TENM3: variants seen among roughly 807,000 people sequenced by gnomAD.
TENM3 encodes teneurin-3.
A neutral mutation model predicts 255.1 loss-of-function variants in TENM3; 63 were observed. The ratio of observed to expected loss-of-function variants is 0.25; its 90% CI spans 0.20 to 0.30. TENM3 has a LOEUF of 0.30. Among genes scored for constraint, TENM3 ranks in the 10% least tolerant of loss-of-function variants. TENM3 has a pLI of 1.00. For synonymous variants in TENM3, 1,306 were observed against 1,322.3 expected, an observed-to-expected ratio of 0.99 and a Z score of 0.27; for missense variants, 2,929 against 3,461.1, an observed-to-expected ratio of 0.85 and a Z score of 3.86.
intron 1 of TENM3, among the ~76,000 whole-genome samples, chr4:182,304,557 G>A (rs1762033652): frequency 6.6e-6 from 1 of 152,110 alleles, no homozygotes; most frequent in African/African-American, 2.4e-5. Flanking sequence ...TCTCATCAAA[G>A]TTCACATCAA....
intron 4 of TENM3, among the ~76,000 whole-genome samples, chr4:182,618,088 C>G (rs1749715090): frequency 1.3e-5 from 2 of 152,120 alleles, no homozygotes; most frequent in African/African-American, 4.8e-5. Flanking sequence ...AGGAAACAAA[C>G]TATTTTCTAT....
At chr4:182,073,563 G>A in the TENM3 span, among the ~76,000 whole-genome samples, 1 of 152,164 alleles carries the variant, frequency 6.6e-6, no homozygotes, top group Non-Finnish European at 1.5e-5. Flanking sequence ...TGTTATGGCA[G>A]CCCAAGCAAA....
chr4:182,094,941 T>TTA, the TENM3 span, among the ~76,000 whole-genome samples: 12 of 105,658 alleles, frequency 1.1e-4, 1 homozygote, highest in African/African-American at 4.3e-4. Flanking sequence ...AAATAGAAGG[T>TTA]AAAAAAAAAA....
At chr4:181,935,325 G>A in the TENM3 span, among the ~76,000 whole-genome samples, 14 of 152,218 alleles carry the variant, frequency 9.2e-5, no homozygotes, top group African/African-American at 3.4e-4. Context: ...ACAATGTGAA[G>A]AACGTAATCG....
At chr4:181,610,029 G>A in the TENM3 span, among the ~76,000 whole-genome samples, 2 of 152,194 alleles carry the variant, frequency 1.3e-5, no homozygotes, top group African/African-American at 4.8e-5. Context: ...GTAACAAGCA[G>A]CACAATAGAA....
intron 4 of TENM3, among the ~76,000 whole-genome samples, chr4:182,612,383 A>G (rs1749090419): frequency 6.6e-6 from 1 of 152,130 alleles, no homozygotes; most frequent in East Asian, 1.9e-4. Flanking sequence ...GTAAAAGGTG[A>G]CAGCATCACT....
intron 12 of TENM3, among the ~76,000 whole-genome samples, chr4:182,703,589 A>G (rs114197875): frequency 0.017 from 2,528 of 152,360 alleles, 79 homozygotes; most frequent in African/African-American, 0.058. Context: ...ACATCTTTGC[A>G]TACTCTCACC....
the TENM3 span, among the ~76,000 whole-genome samples, chr4:181,655,430 G>A: frequency 6.6e-6 from 1 of 152,212 alleles, no homozygotes; most frequent in African/African-American, 2.4e-5. Context: ...CAACAAAGCT[G>A]TACTGAGGAT....
At chr4:181,806,352 C>G in the TENM3 span, among the ~76,000 whole-genome samples, 1 of 152,198 alleles carries the variant, frequency 6.6e-6, no homozygotes, top group African/African-American at 2.4e-5. Context: ...CTCGACTGTG[C>G]TACCTGTCTC....
At chr4:181,888,568 GTA>G in the TENM3 span, among the ~76,000 whole-genome samples, 2 of 66,284 alleles carry the variant, frequency 3.0e-5, no homozygotes, top group African/African-American at 1.2e-4. Context: ...ATACATATAT[GTA>G]TATATATACA....
At chr4:181,862,338 A>G in the TENM3 span, among the ~76,000 whole-genome samples, 1 of 152,114 alleles carries the variant, frequency 6.6e-6, no homozygotes, top group Admixed American at 6.5e-5. Context: ...ATATGCTACT[A>G]TATTTCTCAT....
chr4:182,264,132 T>G (rs1236673017), intron 1 of TENM3, among the ~76,000 whole-genome samples: 1 of 152,206 alleles, frequency 6.6e-6, no homozygotes, highest in African/African-American at 2.4e-5. Context: ...AAATCAGTGT[T>G]TATCTCTTCT....
chr4:182,418,925 A>G (rs1311194267), intron 3 of TENM3, among the ~76,000 whole-genome samples: 1 of 152,146 alleles, frequency 6.6e-6, no homozygotes, highest in East Asian at 1.9e-4. Flanking sequence ...CATACCTCTC[A>G]ACAGACCTCA....
At chr4:182,057,382 C>G in the TENM3 span, among the ~76,000 whole-genome samples, 1 of 147,886 alleles carries the variant, frequency 6.8e-6, no homozygotes, top group South Asian at 2.2e-4. Flanking sequence ...CTTTCTTTAT[C>G]TTTTATCTTT....
chr4:181,857,368 C>A, the TENM3 span, among the ~76,000 whole-genome samples: 1 of 143,018 alleles, frequency 7.0e-6, no homozygotes, highest in South Asian at 2.2e-4. Context: ...AGGGGTGGAC[C>A]AGGGGAGGGG....
At chr4:181,465,755 TC>T in the TENM3 span, among the ~76,000 whole-genome samples, 150 of 151,984 alleles carry the variant, frequency 9.9e-4, 1 homozygote, top group African/African-American at 3.4e-3. Context: ...AACTCCACCT[TC>T]CCCCTTCACT....
At chr4:181,700,778 T>G in the TENM3 span, among the ~76,000 whole-genome samples, 1 of 152,082 alleles carries the variant, frequency 6.6e-6, no homozygotes, top group Non-Finnish European at 1.5e-5. Context: ...CACAGGGGAA[T>G]AAAGAAGAAA....
intron 3 of TENM3, among the ~76,000 whole-genome samples, chr4:182,559,177 C>T (rs890206412): frequency 3.0e-5 from 4 of 132,314 alleles, no homozygotes; most frequent in Non-Finnish European, 6.2e-5. Context: ...TTGTGTCCAT[C>T]CAACCAAAAT....
chr4:182,068,701 G>C, the TENM3 span, among the ~76,000 whole-genome samples: 2 of 151,892 alleles, frequency 1.3e-5, no homozygotes, highest in African/African-American at 4.8e-5. Context: ...TTGGTAATAG[G>C]TCTTACCCAC....
Sources: allele counts gnomAD v4.1 joint callset (sites outside exome capture counted in the v4.1 genomes callset), GRCh38; gene constraint gnomAD v4.1.1; transcripts MANE v1.5; gene names NCBI Gene and HGNC (gene_info 2026-07-23, HGNC 2026-07-21).